The following GRIN2A variants were observed in gnomAD, a reference collection of about 807,000 sequenced individuals.
GRIN2A encodes the protein glutamate receptor ionotropic, NMDA 2A.
A neutral mutation model predicts 113.4 loss-of-function variants in GRIN2A; 22 were observed. The ratio of observed to expected loss-of-function variants is 0.19; its 90% CI spans 0.14 to 0.28. The LOEUF is 0.28. Ranked by LOEUF, GRIN2A falls within the 10% of genes least tolerant of loss-of-function variation. GRIN2A has a pLI of 1.00. For synonymous variants in GRIN2A, 827 were observed against 738.4 expected, an observed-to-expected ratio of 1.12 and a Z score of -1.94; for missense variants, 1,502 against 1,887.0, an observed-to-expected ratio of 0.80 and a Z score of 3.78.
intron 9 of GRIN2A, among the ~76,000 whole-genome samples, chr16:9,824,554 T>C (rs1292246776): frequency 6.6e-6 from 1 of 152,238 alleles, no homozygotes; most frequent in Non-Finnish European, 1.5e-5. Flanking sequence ...CAGAGATAGA[T>C]ATTCAGTCTC....
intron 3 of GRIN2A, among the ~76,000 whole-genome samples, chr16:9,904,743 T>G (rs1455472258): frequency 6.6e-6 from 1 of 152,144 alleles, no homozygotes; most frequent in Non-Finnish European, 1.5e-5. Flanking sequence ...TAACCCTAAT[T>G]ACCTCCCAAA....
intron 4 of GRIN2A, among the ~76,000 whole-genome samples, chr16:9,869,591 C>T: frequency 6.6e-6 from 1 of 152,156 alleles, no homozygotes; most frequent in Admixed American, 6.5e-5. Flanking sequence ...GACCTGAATT[C>T]CCAGCTCTTC....
intron 3 of GRIN2A, among the ~76,000 whole-genome samples, chr16:9,924,680 T>G (rs1437151145): frequency 6.7e-6 from 1 of 150,228 alleles, no homozygotes; most frequent in Non-Finnish European, 1.5e-5. Context: ...AAACATATAT[T>G]AAAATCCTCA....
intron 2 of GRIN2A, among the ~76,000 whole-genome samples, chr16:10,025,276 T>C (rs891533646): frequency 1.4e-5 from 2 of 146,506 alleles, no homozygotes; most frequent in African/African-American, 5.0e-5. Context: ...ATTTGCCAGA[T>C]CAGGGACGCA....
At chr16:9,769,596 C>A (rs531679730) in intron 11 of GRIN2A, among the ~76,000 whole-genome samples, 1 of 151,734 alleles carries the variant, frequency 6.6e-6, no homozygotes, top group East Asian at 1.9e-4. Flanking sequence ...CATTGCAATT[C>A]TGACTTGATC....
chr16:9,779,407 G>A (rs2267786), intron 11 of GRIN2A, among the ~76,000 whole-genome samples: 32,862 of 152,152 alleles, frequency 0.22, 4,078 homozygotes, highest in East Asian at 0.53. Context: ...ATCCAGAAGC[G>A]AAATGGATCA....
At chr16:9,926,344 A>G (rs1434456019) in intron 3 of GRIN2A, among the ~76,000 whole-genome samples, 1 of 152,204 alleles carries the variant, frequency 6.6e-6, no homozygotes, top group Non-Finnish European at 1.5e-5. Flanking sequence ...TGTGGGCAAA[A>G]GATTAGAGGC....
chr16:9,783,075 G>C (rs1394732214), intron 11 of GRIN2A, among the ~76,000 whole-genome samples: 4 of 152,148 alleles, frequency 2.6e-5, no homozygotes, highest in African/African-American at 9.7e-5. Context: ...AGTTGTTGGG[G>C]CATCAGAATG....
chr16:9,915,838 A>G (rs1161391973), intron 3 of GRIN2A, among the ~76,000 whole-genome samples: 6 of 152,244 alleles, frequency 3.9e-5, no homozygotes, highest in Non-Finnish European at 8.8e-5. Context: ...TGGCACCTAC[A>G]TGACAGGTTT....
chr16:10,148,821 T>A (rs1208037439), intron 2 of GRIN2A, among the ~76,000 whole-genome samples: 1 of 152,206 alleles, frequency 6.6e-6, no homozygotes, highest in Non-Finnish European at 1.5e-5. Context: ...GGAAACAACC[T>A]AAGTGTCTAC....
chr16:10,156,117 C>A (rs924105163), intron 2 of GRIN2A, among the ~76,000 whole-genome samples: 4 of 152,236 alleles, frequency 2.6e-5, no homozygotes, highest in African/African-American at 9.6e-5. Flanking sequence ...TCTGCCCACT[C>A]TGCACCTGCA....
At chr16:10,097,127 C>G (rs1422203081) in intron 2 of GRIN2A, among the ~76,000 whole-genome samples, 1 of 152,184 alleles carries the variant, frequency 6.6e-6, no homozygotes, top group East Asian at 1.9e-4. Context: ...CCCTTTTTAA[C>G]AGCGAGATCA....
chr16:9,963,017 A>G (rs1194508458), intron 2 of GRIN2A, among the ~76,000 whole-genome samples: 1 of 150,998 alleles, frequency 6.6e-6, no homozygotes, highest in Non-Finnish European at 1.5e-5. Context: ...AAACTATCGC[A>G]AGGACAAAAA....
At chr16:9,823,484 C>G (rs2042327711) in intron 9 of GRIN2A, among the ~76,000 whole-genome samples, 1 of 152,166 alleles carries the variant, frequency 6.6e-6, no homozygotes, top group Non-Finnish European at 1.5e-5. Flanking sequence ...AAAAATAAAG[C>G]TATGATTACC....
chr16:9,916,708 A>T (rs1323545154), intron 3 of GRIN2A, among the ~76,000 whole-genome samples: 1 of 152,172 alleles, frequency 6.6e-6, no homozygotes, highest in African/African-American at 2.4e-5. Context: ...CTTTCAAGGC[A>T]TGACCTCTTT....
At chr16:9,977,499 T>C (rs530612940) in intron 2 of GRIN2A, among the ~76,000 whole-genome samples, 1 of 152,320 alleles carries the variant, frequency 6.6e-6, no homozygotes, top group Admixed American at 6.5e-5. Flanking sequence ...CCAGATACTA[T>C]GTTAAGCCCT....
At chr16:10,084,143 T>A (rs141333109) in intron 2 of GRIN2A, among the ~76,000 whole-genome samples, 2 of 152,274 alleles carry the variant, frequency 1.3e-5, no homozygotes, top group East Asian at 3.9e-4. Flanking sequence ...ATTAAATAAG[T>A]TGACAAATAT....
At chr16:10,091,693 T>C (rs1186554708) in intron 2 of GRIN2A, among the ~76,000 whole-genome samples, 1 of 152,172 alleles carries the variant, frequency 6.6e-6, no homozygotes, top group Non-Finnish European at 1.5e-5. Flanking sequence ...GAAATAGAAA[T>C]GTAGAAAACA....
At chr16:9,900,976 C>T (rs942714101) in intron 3 of GRIN2A, among the ~76,000 whole-genome samples, 5 of 152,188 alleles carry the variant, frequency 3.3e-5, no homozygotes, top group Admixed American at 1.3e-4. Flanking sequence ...GGCAGATGTG[C>T]GTGCATGTTG....
Sources: allele counts gnomAD v4.1 joint callset (sites outside exome capture counted in the v4.1 genomes callset), GRCh38; gene constraint gnomAD v4.1.1; transcripts MANE v1.5; gene names NCBI Gene and HGNC (gene_info 2026-07-23, HGNC 2026-07-21).